Variants in LOC400499 observed in about 807,000 individuals in gnomAD.
chr16:11,508,862 T>C, the LOC400499 span: 16 of 398,888 alleles, frequency 4.0e-5, no homozygotes, highest in East Asian at 5.3e-4. Flanking sequence ...GGATCTGAGA[T>C]GGTAAGAGGT....
the LOC400499 span, chr16:11,518,769 A>G: frequency 2.5e-6 from 1 of 397,042 alleles, no homozygotes; most frequent in Non-Finnish European, 4.4e-6. Context: ...TGCTACAGAG[A>G]GGTCACCCTA....
At chr16:11,419,946 A>C in the LOC400499 span, among the ~76,000 whole-genome samples, 6 of 151,316 alleles carry the variant, frequency 4.0e-5, no homozygotes, top group African/African-American at 7.4e-5. Flanking sequence ...AGGAAACAAC[A>C]GATGCTGGCG....
the LOC400499 span, chr16:11,385,127 T>G: frequency 8.1e-7 from 1 of 1,231,304 alleles, no homozygotes; most frequent in African/African-American, 1.6e-5. Flanking sequence ...AGCTTGAAAG[T>G]GCCATCCCCC....
At chr16:11,450,755 G>C in the LOC400499 span, 9 of 1,536,168 alleles carry the variant, frequency 5.9e-6, no homozygotes, top group Non-Finnish European at 7.0e-6. Flanking sequence ...AACACAGCTC[G>C]GTGTGGCCAG....
At chr16:11,426,173 C>T in the LOC400499 span, among the ~76,000 whole-genome samples, 4 of 152,302 alleles carry the variant, frequency 2.6e-5, no homozygotes, top group Middle Eastern at 3.4e-3. Context: ...CGGTGGCTCA[C>T]GCCTGTAATC....
chr16:11,485,465 C>T, the LOC400499 span, among the ~76,000 whole-genome samples: 2 of 152,124 alleles, frequency 1.3e-5, no homozygotes, highest in African/African-American at 4.8e-5. Context: ...AATCACTAGG[C>T]ACCTGCACGA....
the LOC400499 span, chr16:11,450,849 T>C: frequency 6.6e-7 from 1 of 1,516,254 alleles, no homozygotes; most frequent in Admixed American, 2.0e-5. Context: ...GAGAATCTGG[T>C]ACACGGGGTA....
chr16:11,512,531 G>C, the LOC400499 span, among the ~76,000 whole-genome samples: 1 of 151,988 alleles, frequency 6.6e-6, no homozygotes, highest in Non-Finnish European at 1.5e-5. Context: ...GAACCTGGGA[G>C]AGGAGGTTGC....
the LOC400499 span, among the ~76,000 whole-genome samples, chr16:11,378,277 G>GC: frequency 1.4e-4 from 7 of 48,972 alleles, no homozygotes; most frequent in Admixed American, 3.1e-4. Context: ...GCCGGGGGGA[G>GC]GGGGGAGGTG....
At chr16:11,463,953 G>C in the LOC400499 span, among the ~76,000 whole-genome samples, 751 of 152,246 alleles carry the variant, frequency 4.9e-3, 4 homozygotes, top group African/African-American at 0.017. Flanking sequence ...TGTACACCAC[G>C]GACATGTGAA....
chr16:11,506,822 C>T, the LOC400499 span, among the ~76,000 whole-genome samples: 1 of 152,184 alleles, frequency 6.6e-6, no homozygotes, highest in Non-Finnish European at 1.5e-5. Flanking sequence ...CATTTCAAGC[C>T]GAAGCTCATG....
chr16:11,405,219 G>C, the LOC400499 span, among the ~76,000 whole-genome samples: 1 of 152,206 alleles, frequency 6.6e-6, no homozygotes, highest in Non-Finnish European at 1.5e-5. Context: ...GATGATACAA[G>C]TGGTGCACTC....
chr16:11,441,103 G>A, the LOC400499 span: 1 of 398,986 alleles, frequency 2.5e-6, no homozygotes, highest in Non-Finnish European at 4.4e-6. Flanking sequence ...CAGGGGCACT[G>A]AGAGAGGTCT....
the LOC400499 span, among the ~76,000 whole-genome samples, chr16:11,437,150 G>A: frequency 6.6e-6 from 1 of 152,202 alleles, no homozygotes; most frequent in Non-Finnish European, 1.5e-5. Context: ...GGTTGCCAGG[G>A]GGTGGAGTGT....
the LOC400499 span, chr16:11,449,143 C>A: frequency 1.4e-6 from 2 of 1,382,822 alleles, no homozygotes; most frequent in Non-Finnish European, 1.9e-6. Context: ...AAGGCCTTTG[C>A]ACACCCTATT....
At chr16:11,430,090 G>C in the LOC400499 span, among the ~76,000 whole-genome samples, 10 of 152,346 alleles carry the variant, frequency 6.6e-5, no homozygotes, top group Middle Eastern at 3.4e-3. Context: ...CCTCATTTCT[G>C]TGGTGTCCTA....
the LOC400499 span, among the ~76,000 whole-genome samples, chr16:11,411,083 G>GA: frequency 1.3e-5 from 2 of 152,230 alleles, no homozygotes; most frequent in East Asian, 1.9e-4. Flanking sequence ...GTATGTTTGG[G>GA]AAAGCTGGAG....
At chr16:11,440,468 G>C in the LOC400499 span, among the ~76,000 whole-genome samples, 2 of 152,182 alleles carry the variant, frequency 1.3e-5, no homozygotes, top group South Asian at 2.1e-4. Context: ...CCTGGATCCT[G>C]AGAGACTGCA....
At chr16:11,489,503 C>CG in the LOC400499 span, among the ~76,000 whole-genome samples, 89,857 of 151,996 alleles carry the variant, frequency 0.59, 28,896 homozygotes, top group African/African-American at 0.86. Flanking sequence ...CTGAATCCAA[C>CG]GGGAATATTA....
Sources: allele counts gnomAD v4.1 joint callset (sites outside exome capture counted in the v4.1 genomes callset), GRCh38; gene constraint gnomAD v4.1.1; transcripts MANE v1.5.